The following MYRIP variants were observed in gnomAD, a reference collection of about 807,000 sequenced individuals.
MYRIP encodes rab effector MyRIP.
MYRIP carries 49 observed loss-of-function variants against 98.0 expected under a neutral mutation model. That is an observed-to-expected ratio of 0.50 (90% CI 0.40 to 0.63). The LOEUF (loss-of-function observed/expected upper bound fraction) is 0.63, where lower values mean the gene tolerates loss of function less well. MYRIP is among the 30% of genes least tolerant of loss of function. The pLI, the probability that MYRIP is intolerant of heterozygous loss-of-function variation, is 0.00. For synonymous variants in MYRIP, 404 were observed against 409.5 expected (o/e 0.99, Z 0.16); for missense variants, 1,004 against 1,058.2 (o/e 0.95, Z 0.71).
intron 3 of MYRIP, among the ~76,000 whole-genome samples, chr3:40,062,270 A>C (rs1163371280): frequency 1.3e-5 from 2 of 151,996 alleles, no homozygotes; most frequent in Non-Finnish European, 2.9e-5. Context: ...GCTGATTTTC[A>C]TATATAGCGC....
chr3:40,091,433 G>A (rs1196820440), intron 3 of MYRIP, among the ~76,000 whole-genome samples: 5 of 152,006 alleles, frequency 3.3e-5, no homozygotes, highest in Non-Finnish European at 7.4e-5. Context: ...CCAACATTTT[G>A]GGTTTCCTGG....
intron 2 of MYRIP, among the ~76,000 whole-genome samples, chr3:40,004,635 C>T (rs1182534609): frequency 6.6e-6 from 1 of 152,092 alleles, no homozygotes; most frequent in Non-Finnish European, 1.5e-5. Context: ...CCCCAACTCC[C>T]ACCTTTCCTT....
intron 1 of MYRIP, among the ~76,000 whole-genome samples, chr3:39,864,281 C>T (rs1253857992): frequency 6.6e-6 from 1 of 152,002 alleles, no homozygotes; most frequent in African/African-American, 2.4e-5. Context: ...ATTCAACATA[C>T]TGTTGGAAGT....
chr3:40,044,473 G>T (rs566133598), intron 3 of MYRIP, among the ~76,000 whole-genome samples: 1 of 152,330 alleles, frequency 6.6e-6, no homozygotes, highest in Admixed American at 6.5e-5. Flanking sequence ...CCCCCCAGGA[G>T]CACCTGGGTG....
chr3:40,212,184 ATGTG>A lies in MYRIP; in HGVS notation c.1905+2093_1905+2096del, dbSNP rs1309506746. Among the ~76,000 whole-genome samples, 6 of 8,044 alleles carry A rather than the reference ATGTG, an allele frequency of 7.5e-4. 1 individual carries two copies. The highest frequency in any genetic ancestry group is 1.5e-3 in the African/African-American group (5 of 3,434). 5.3% of individuals were successfully genotyped at this position (8,044 alleles called of 152,430 possible). On this transcript the variant is annotated intron_variant, in intron 11 of 16. Transcript: ENST00000302541. ...TATATATATACATATATATACGTGT[ATGTG>A]TATATACATATATATACGTGTGTGT...
chr3:39,886,331 C>T (rs1463610870), intron 1 of MYRIP, among the ~76,000 whole-genome samples: 1 of 151,114 alleles, frequency 6.6e-6, no homozygotes, highest in Non-Finnish European at 1.5e-5. Context: ...CAAATTCACA[C>T]ATAACAATAT....
chr3:39,932,676 A>G (rs549688789), intron 2 of MYRIP, among the ~76,000 whole-genome samples: 45 of 152,068 alleles, frequency 3.0e-4, no homozygotes, highest in Non-Finnish European at 5.1e-4. Context: ...CTCCCTTTCA[A>G]TGTTCATTGA....
intron 2 of MYRIP, among the ~76,000 whole-genome samples, chr3:40,000,168 A>C (rs1033294587): frequency 1.1e-4 from 17 of 152,204 alleles, no homozygotes; most frequent in African/African-American, 4.1e-4. Flanking sequence ...CTAAAACTTT[A>C]ATAAAAAAAA....
At chr3:39,829,835 T>C (rs1381818702) in intron 1 of MYRIP, among the ~76,000 whole-genome samples, 2 of 152,216 alleles carry the variant, frequency 1.3e-5, no homozygotes, top group African/African-American at 4.8e-5. Context: ...GGCACCAAAC[T>C]CACAATTTCT....
intron 10 of MYRIP, among the ~76,000 whole-genome samples, chr3:40,198,176 C>G (rs2679819): frequency 0.83 from 126,638 of 152,144 alleles, 53,765 homozygotes; most frequent in Middle Eastern, 0.95. Flanking sequence ...ATATTTTAGA[C>G]TAAATACATT....
chr3:40,106,950 T>C (rs1949060559), intron 3 of MYRIP, among the ~76,000 whole-genome samples: 1 of 152,158 alleles, frequency 6.6e-6, no homozygotes, highest in African/African-American at 2.4e-5. Flanking sequence ...CAGCATATAA[T>C]TGGATATTGA....
At chr3:40,134,976 C>A (rs1949732124) in intron 3 of MYRIP, among the ~76,000 whole-genome samples, 1 of 152,130 alleles carries the variant, frequency 6.6e-6, no homozygotes, top group Admixed American at 6.5e-5. Context: ...ATCAGAGCAC[C>A]TCTCCTCCTC....
chr3:40,022,874 T>C (rs757577971), intron 2 of MYRIP, among the ~76,000 whole-genome samples: 7 of 152,164 alleles, frequency 4.6e-5, no homozygotes, highest in Non-Finnish European at 7.4e-5. Flanking sequence ...TTTTGAGTAT[T>C]TTAGACGTTT....
chr3:39,888,184 A>G (rs1046918402), intron 1 of MYRIP, among the ~76,000 whole-genome samples: 1 of 152,134 alleles, frequency 6.6e-6, no homozygotes, highest in Non-Finnish European at 1.5e-5. Context: ...ACTACTTTAA[A>G]GTTCATATGG....
chr3:40,044,219 T>A lies in MYRIP; in HGVS notation c.280T>A (p.Ser94Thr). The change falls in exon 3 of 17, where the codon TCC (serine) becomes ACC (threonine). Residue 94 changes from serine (S) to threonine (T), a missense_variant. By Grantham distance (58) the Ser-to-Thr change is moderately conservative. Transcript: ENST00000302541. ...CKFNVCKSCC[S>T]YQKHEKAWVC... ...ATTCAATGTCTGCAAGAGCTGCTGC[T>A]CCTACCAGAAGCACGAAAAGGCCTG... is the stretch of plus-strand genomic sequence containing the variant. 1 of 1,614,158 alleles carries A rather than the reference T, an allele frequency of 6.2e-7. No individual in the cohort carries two copies. Among genetic ancestry groups the A allele is most frequent in the South Asian group, 1.1e-5 (1 of 91,074 alleles).
At chr3:39,849,195 C>T (rs956900600) in intron 1 of MYRIP, among the ~76,000 whole-genome samples, 14 of 152,192 alleles carry the variant, frequency 9.2e-5, no homozygotes, top group Non-Finnish European at 2.9e-5. Flanking sequence ...GCCTTGTCCT[C>T]TTTCCAAACC....
At chr3:40,130,433 A>C (rs995173972) in intron 3 of MYRIP, among the ~76,000 whole-genome samples, 1 of 145,704 alleles carries the variant, frequency 6.9e-6, no homozygotes, top group Non-Finnish European at 1.5e-5. Context: ...GCGGGAGTGC[A>C]GTGGCGCAAT....
chr3:40,072,757 A>G (rs759828064), intron 3 of MYRIP, among the ~76,000 whole-genome samples: 11 of 152,120 alleles, frequency 7.2e-5, no homozygotes, highest in Non-Finnish European at 1.6e-4. Flanking sequence ...TATTATTTCA[A>G]TCCTGTGAAA....
At chr3:39,864,051 TATG>T (rs1575318167) in intron 1 of MYRIP, among the ~76,000 whole-genome samples, 2 of 152,112 alleles carry the variant, frequency 1.3e-5, no homozygotes, top group African/African-American at 2.4e-5. Flanking sequence ...ACAAAAATCA[TATG>T]ATGATCTCAA....
Sources: gnomAD v4.1 joint callset for allele counts (sites outside exome capture counted in the v4.1 genomes callset) on GRCh38, gnomAD v4.1.1 for gene constraint, MANE v1.5 for transcripts, NCBI Gene and HGNC (gene_info 2026-07-23, HGNC 2026-07-21) for gene names.